Variants in RCAN1 observed in about 807,000 individuals in gnomAD.
The protein encoded by RCAN1 is calcipressin-1.
Under a neutral mutation model 22.9 loss-of-function variants are expected in RCAN1, and 11 were observed. The ratio of observed to expected loss-of-function variants is 0.48; its 90% confidence interval spans 0.30 to 0.79. The LOEUF (loss-of-function observed/expected upper bound fraction) is 0.79, where lower values mean the gene tolerates loss of function less well. Among genes scored for constraint, RCAN1 ranks in the 30% least tolerant of loss-of-function variants. The pLI is 0.06. For synonymous variants in RCAN1, 136 were observed against 142.3 expected, an observed-to-expected ratio of 0.96 and a Z score of 0.32; for missense variants, 291 against 337.8, an observed-to-expected ratio of 0.86 and a Z score of 1.09.
intron 1 of RCAN1, among the ~76,000 whole-genome samples, chr21:34,528,602 C>T (rs962980748): frequency 5.9e-5 from 9 of 152,152 alleles, no homozygotes; most frequent in African/African-American, 2.2e-4. Flanking sequence ...TGGTGGTGGG[C>T]AGGAGAGGCT....
Position 34,580,217 on chromosome 21 carries a change from A to AC in RCAN1, c.252+34542dup, listed in dbSNP as rs554495275. ...TAGAGCATCAGGAACCATCTTATCTACCCCCGGGTATGCTAGAGACAGAGG... is the reference window on the plus strand; with the variant it reads ...TAGAGCATCAGGAACCATCTTATCTACCCCCCGGGTATGCTAGAGACAGAGG... On this transcript the variant is annotated intron_variant, in intron 1 of 3. Coordinates refer to ENST00000313806, the MANE Select transcript of RCAN1 (RefSeq NM_004414.7). Among the ~76,000 whole-genome samples, 108 of 152,040 alleles carry AC rather than the reference A, an allele frequency of 7.1e-4. 1 individual carries two copies. The South Asian group carries it at 0.018, about 25-fold the overall frequency.
At chr21:34,584,417 T>TA (rs3216563) in intron 1 of RCAN1, among the ~76,000 whole-genome samples, 10,184 of 150,400 alleles carry the variant, frequency 0.068, 515 homozygotes, top group East Asian at 0.27. Context: ...TCACCATGGT[T>TA]AAAAAAAAAA....
chr21:34,575,092 C>T (rs11700873), intron 1 of RCAN1, among the ~76,000 whole-genome samples: 152,350 of 152,350 alleles, frequency 1, 76,175 homozygotes, highest in Non-Finnish European at 1. Context: ...ACTAGTTCAT[C>T]TACATCAAAT....
chr21:34,545,810 G>A (rs1986111651), intron 1 of RCAN1, among the ~76,000 whole-genome samples: 1 of 152,214 alleles, frequency 6.6e-6, no homozygotes, highest in Non-Finnish European at 1.5e-5. Flanking sequence ...GGATAGCGGT[G>A]CCACCCATGG....
intron 1 of RCAN1, among the ~76,000 whole-genome samples, chr21:34,554,595 T>C (rs1986486603): frequency 6.6e-6 from 1 of 152,224 alleles, no homozygotes; most frequent in Non-Finnish European, 1.5e-5. Context: ...ACAGGATATT[T>C]CGTGTGAAGT....
intron 1 of RCAN1, among the ~76,000 whole-genome samples, chr21:34,555,784 C>T (rs921546609): frequency 3.3e-5 from 5 of 151,014 alleles, no homozygotes; most frequent in East Asian, 2.0e-4. Context: ...AAAGGCAGGC[C>T]GGGCACCGTG....
rs113229541 is a variant in RCAN1 at position 34,609,180 on chromosome 21, C to T, written c.252+5580G>A. Reference sequence around the variant, plus strand: ...TGTTTCTGTTTTTCCCAAGAAGAGACATTTTTACTTTCTACTGCCATGGTA... The same window carrying T: ...TGTTTCTGTTTTTCCCAAGAAGAGATATTTTTACTTTCTACTGCCATGGTA... On this transcript the variant is annotated intron_variant, in intron 1 of 3. Transcript: ENST00000313806. Among the ~76,000 whole-genome samples the T allele has an allele frequency of 5.3e-3, 812 of 152,314 alleles. 6 individuals are homozygous for T. Among genetic ancestry groups the T allele is most frequent in the African/African-American group, 0.019 (776 of 41,558 alleles).
chr21:34,518,935 C>T lies in RCAN1; in HGVS notation c.587-679G>A, dbSNP rs905511788. Among the ~76,000 whole-genome samples the T allele has an allele frequency of 3.9e-5, 6 of 152,128 alleles. No individual in the cohort carries two copies. Among genetic ancestry groups the T allele is most frequent in the Admixed American group, 1.3e-4 (2 of 15,276 alleles). ...GAGAGCTTTCTGCAACTGAAAAACC[C>T]GGCAATGTAGAATGAAGGGACTGGG... On this transcript the variant is annotated intron_variant, in intron 3 of 3. Coordinates refer to ENST00000313806, the MANE Select transcript of RCAN1 (RefSeq NM_004414.7). This position sits in a 1 kb window ranked among gnomAD's most constrained non-coding sequence, Gnocchi z 4.2.
intron 1 of RCAN1, chr21:34,525,220 G>C: frequency 6.4e-7 from 1 of 1,550,618 alleles, no homozygotes; most frequent in East Asian, 2.4e-5. Context: ...GCTCCACATG[G>C]GGCTGCGGGT....
At chr21:34,591,311 G>A (rs1987966107) in intron 1 of RCAN1, among the ~76,000 whole-genome samples, 1 of 152,086 alleles carries the variant, frequency 6.6e-6, no homozygotes. Flanking sequence ...GGGGCACAGA[G>A]AAAAAAACAA....
chr21:34,610,606 G>C (rs188217921), intron 1 of RCAN1, among the ~76,000 whole-genome samples: 1 of 152,142 alleles, frequency 6.6e-6, no homozygotes, highest in Non-Finnish European at 1.5e-5. Context: ...GCCAAACCCC[G>C]GCTTCAGACA....
intron 3 of RCAN1, among the ~76,000 whole-genome samples, chr21:34,519,503 A>G (rs1984330391): frequency 7.0e-6 from 1 of 143,226 alleles, no homozygotes; most frequent in African/African-American, 2.6e-5. Flanking sequence ...GGTTCAAGTG[A>G]TTCTCCTGCC....
Position 34,614,638 on chromosome 21 carries a change from G to T in RCAN1, c.252+122C>A. 9.0e-7 allele frequency: 1 copy of T among 1,112,788 alleles called. No individual in the cohort carries two copies. The highest frequency in any genetic ancestry group is 1.1e-6 in the Non-Finnish European group (1 of 902,200). 68.9% of individuals were successfully genotyped at this position (1,112,788 alleles called of 1,614,324 possible). On this transcript the variant is annotated intron_variant, in intron 1 of 3. Coordinates refer to ENST00000313806, the MANE Select transcript of RCAN1 (RefSeq NM_004414.7). The surrounding 1 kb of genome is among the most constrained non-coding windows in gnomAD (Gnocchi z 6.0). ...TGACGGGTCCGCGGCCGAGCAGCCC[G>T]GGGGACGTCGCTGCCTCCCCGCCCC...
At chr21:34,531,166 C>T (rs554461515) in intron 1 of RCAN1, among the ~76,000 whole-genome samples, 1 of 152,324 alleles carries the variant, frequency 6.6e-6, no homozygotes, top group South Asian at 2.1e-4. Context: ...AGCACAATGC[C>T]TGAAACACAG....
chr21:34,526,754 CT>C (rs1985086499), intron 1 of RCAN1: 1 of 1,611,246 alleles, frequency 6.2e-7, no homozygotes, highest in Non-Finnish European at 8.5e-7. Context: ...ATGCATCTTG[CT>C]TTCTTACAGT....
intron 1 of RCAN1, among the ~76,000 whole-genome samples, chr21:34,587,393 C>G (rs1490307410): frequency 6.6e-6 from 1 of 152,062 alleles, no homozygotes; most frequent in African/African-American, 2.4e-5. Context: ...ATCAACTCTT[C>G]AATACAGGAA....
chr21:34,564,084 C>A (rs562158578), intron 1 of RCAN1, among the ~76,000 whole-genome samples: 1 of 152,104 alleles, frequency 6.6e-6, no homozygotes, highest in African/African-American at 2.4e-5. Context: ...GTGGAAGGCA[C>A]CCTTCACAGG....
chr21:34,534,587 G>A (rs962224780), intron 1 of RCAN1, among the ~76,000 whole-genome samples: 1 of 152,178 alleles, frequency 6.6e-6, no homozygotes, highest in African/African-American at 2.4e-5. Flanking sequence ...TGCACCAGTG[G>A]GGGCTCATCT....
At chr21:34,541,558 AT>A (rs1243274573) in intron 1 of RCAN1, among the ~76,000 whole-genome samples, 1 of 152,090 alleles carries the variant, frequency 6.6e-6, no homozygotes, top group African/African-American at 2.4e-5. Context: ...TTTGCATGGC[AT>A]TGGGTTAGTG....
Sources: gnomAD v4.1 joint callset for allele counts (sites outside exome capture counted in the v4.1 genomes callset) on GRCh38, gnomAD v4.1.1 for gene constraint, Gnocchi (gnomAD v3.1) non-coding constraint, MANE v1.5 for transcripts, NCBI Gene and HGNC (gene_info 2026-07-23, HGNC 2026-07-21) for gene names.